The following FAM171A2 variants were observed in gnomAD, a reference collection of about 807,000 sequenced individuals.
FAM171A2 encodes family with sequence similarity 171 member A2, also known as protein FAM171A2.
Under a neutral mutation model 34.2 loss-of-function variants are expected in FAM171A2, and 13 were observed. The ratio of observed to expected loss-of-function variants is 0.38; its 90% confidence interval spans 0.25 to 0.60. The LOEUF (loss-of-function observed/expected upper bound fraction) is 0.60. FAM171A2 is among the 20% of genes least tolerant of loss of function. FAM171A2 has a pLI of 0.62. For missense variants in FAM171A2, 950 were observed against 1,180.7 expected, an observed-to-expected ratio of 0.80 and a Z score of 2.86; for synonymous variants, 475 against 561.2, an observed-to-expected ratio of 0.85 and a Z score of 2.17.
chr17:44,359,874 GT>G (rs1156508222), intron 2 of FAM171A2, 30 bp downstream of exon 2: 2 of 1,500,518 alleles, frequency 1.3e-6, no homozygotes, highest in East Asian at 4.9e-5. Context: ...GTCAGCTGCT[GT>G]CCCCCCCCTC....
rs1223532359 is a variant in FAM171A2, at chr17:44,356,070, C to T, written c.783G>A (p.Leu261=). 2 of 1,539,702 alleles carry T rather than the reference C, an allele frequency of 1.3e-6. No individual in the cohort carries two copies. The highest frequency in any genetic ancestry group is 1.8e-6 in the Non-Finnish European group (2 of 1,140,244). Residue 261 remains leucine (L), a synonymous_variant, in exon 6 of 8, where the codon CTG becomes CTA. Coordinates refer to ENST00000293443, the MANE Select transcript of FAM171A2 (RefSeq NM_198475.3). ...PAWRFDPKSG[L]WVRNGTGVIR... is the part of the protein sequence containing the mutation. ...TTACACCAGTGCCATTGCGCACCCA[C>T]AGCCCTGGGAGAGGCAGGGGTTTTG...
At chr17:44,356,819 A>C (rs1206504931) in intron 3 of FAM171A2, among the ~76,000 whole-genome samples, 1 of 152,196 alleles carries the variant, frequency 6.6e-6, no homozygotes, top group African/African-American at 2.4e-5. Context: ...TTTAGTAGAA[A>C]GTTTCCTTAT....
chr17:44,357,473 C>A (rs1452961754), intron 3 of FAM171A2, among the ~76,000 whole-genome samples: 1 of 151,792 alleles, frequency 6.6e-6, no homozygotes. Flanking sequence ...ATGGTGAAAC[C>A]CCATCTCTAC....
In FAM171A2 at chr17:44,355,221, C is replaced by G. The variant is rs955658609; in HGVS notation, c.1023-30G>C. 4 of 1,547,544 alleles carry G rather than the reference C, an allele frequency of 2.6e-6. No individual in the cohort carries two copies. Among genetic ancestry groups the G allele is most frequent in the Non-Finnish European group, 3.5e-6 (4 of 1,145,882 alleles). ...AAGGGAGGGAGCAGAAGGGGCCGCT[C>G]AGGAAAGGGTGAGGGCCAAAGTAGG... On this transcript the variant is annotated intron_variant, in intron 7 of 7. Transcript: ENST00000293443. This position sits in a 1 kb window ranked among gnomAD's most constrained non-coding sequence, Gnocchi z 4.1.
At chr17:44,361,131 C>T (rs964109637) in intron 1 of FAM171A2, among the ~76,000 whole-genome samples, 7 of 152,202 alleles carry the variant, frequency 4.6e-5, no homozygotes, top group Admixed American at 1.3e-4. Context: ...GCCCACAGCC[C>T]GTGGAGAATC....
chr17:44,358,730 C>T lies in FAM171A2; in HGVS notation c.439+849G>A, dbSNP rs540884682. Among the ~76,000 whole-genome samples, 3 of 152,146 alleles carry T rather than the reference C, an allele frequency of 2.0e-5. No individual in the cohort carries two copies. The East Asian group carries it at 5.8e-4, about 29-fold the overall frequency. Reference sequence around the variant, plus strand: ...ACAACAACAAAAACTAGCTCCATGACAAGGGCTCAAGCTGAGACTACAAAC... The same window carrying T: ...ACAACAACAAAAACTAGCTCCATGATAAGGGCTCAAGCTGAGACTACAAAC... On this transcript the variant is annotated intron_variant, in intron 3 of 7. Transcript: ENST00000293443.
Position 44,354,808 on chromosome 17 carries a change from G to A in FAM171A2, c.1406C>T (p.Ala469Val), listed in dbSNP as rs2048413157. ...CGGCGAGGGCGGCTCGTGCAGGAAG[G>A]CCGCAGCCCCCGAGGGCCCCCGCCG... is the stretch of plus-strand genomic sequence containing the variant. Reference protein sequence around the residue: ...EHRRGPSGAAAFLHEPPSPPP... With the variant: ...EHRRGPSGAAVFLHEPPSPPP... The change falls in exon 8 of 8, where the codon GCC (alanine) becomes GTC (valine). Residue 469 changes from alanine to valine, a missense_variant. Coordinates refer to ENST00000293443, the MANE Select transcript of FAM171A2 (RefSeq NM_198475.3). The surrounding 1 kb of genome is among the most constrained non-coding windows in gnomAD (Gnocchi z 5.8). 1.6e-6 allele frequency: 2 copies of A among 1,287,410 alleles called. No homozygotes were observed. The highest frequency in any genetic ancestry group is 2.0e-6 in the Non-Finnish European group (2 of 1,018,128). 79.7% of individuals were successfully genotyped at this position (1,287,410 alleles called of 1,614,324 possible).
chr17:44,360,160 G>C, intron 1 of FAM171A2, 28 bp from the exon 2 acceptor site: 1 of 1,521,126 alleles, frequency 6.6e-7, no homozygotes, highest in Non-Finnish European at 8.9e-7. Flanking sequence ...CAAAGGGAGT[G>C]AGGACGAGGG....
Position 44,356,357 on chromosome 17 carries a change from G to T in FAM171A2, c.599-5C>A. On this transcript the variant is annotated splice_polypyrimidine_tract_variant and splice_region_variant and intron_variant, in intron 4 of 7. Coordinates refer to ENST00000293443, the MANE Select transcript of FAM171A2 (RefSeq NM_198475.3). ...GCTCCAGCCAGGAGCCATTGCCTGA[G>T]GGAAGAGGGTACAGGGCTGAGGGCT... is the stretch of plus-strand genomic sequence containing the variant. The T allele has an allele frequency of 6.5e-7, 1 of 1,544,108 alleles. No homozygotes were observed. The highest frequency in any genetic ancestry group is 1.4e-5 in the African/African-American group (1 of 73,044).
intron 1 of FAM171A2, among the ~76,000 whole-genome samples, chr17:44,360,343 G>A (rs778925401): frequency 2.6e-5 from 4 of 152,194 alleles, no homozygotes; most frequent in African/African-American, 9.7e-5. Flanking sequence ...GTATTTCATC[G>A]TCTAACACAT....
chr17:44,361,820 G>A (rs554978361), intron 1 of FAM171A2, among the ~76,000 whole-genome samples: 10 of 152,194 alleles, frequency 6.6e-5, no homozygotes, highest in Non-Finnish European at 1.2e-4. Flanking sequence ...ATGGGGTGGG[G>A]GGAGGTAGAG....
intron 1 of FAM171A2, among the ~76,000 whole-genome samples, chr17:44,361,445 C>T (rs1354374005): frequency 6.6e-6 from 1 of 152,160 alleles, no homozygotes; most frequent in Non-Finnish European, 1.5e-5. Flanking sequence ...GCAGCAGGGC[C>T]TGGGGAGGTC....
rs1269221355 is a variant in FAM171A2, at chr17:44,355,174, G to A, written c.1040C>T (p.Pro347Leu). 2 of 1,550,650 alleles carry A rather than the reference G, an allele frequency of 1.3e-6. No homozygotes were observed. The highest frequency in any genetic ancestry group is 2.4e-5 in the East Asian group (1 of 40,884). ...CTGCAGCTTGCGGTGCTGTTGCCTCGGCTTCAGGCAGCGCCTCCTGGAAGG... is the reference window on the plus strand; with the variant it reads ...CTGCAGCTTGCGGTGCTGTTGCCTCAGCTTCAGGCAGCGCCTCCTGGAAGG... ...IYYCRRRCLK[P>L]RQQHRKLQLS... Residue 347 changes from proline (P) to leucine (L), a missense_variant, in exon 8 of 8, where the codon CCG becomes CTG. This residue lies in a region of FAM171A2 where 752 missense variants were observed against 924.5 expected (regional missense o/e 0.81). Transcript: ENST00000293443. This position sits in a 1 kb window ranked among gnomAD's most constrained non-coding sequence, Gnocchi z 4.1.
In FAM171A2 at chr17:44,360,131, C is replaced by G; in HGVS notation, c.120G>C (p.Glu40Asp). Residue 40 changes from glutamate (E) to aspartate (D), a missense_variant and splice_region_variant, in exon 2 of 8, where the codon GAG (glutamate) becomes GAC (aspartate). Physicochemically the swap from Glu to Asp is conservative, Grantham distance 45. Around this residue, in one of 3 missense-constraint regions of FAM171A2, gnomAD observed 752 missense variants for 924.5 expected, o/e 0.81. Transcript: ENST00000293443. The part of the protein sequence containing the change: ...KSPPEPPSPQ[E>D]ILIKVQVYVS... ...CATACACCTGCACCTTGATCAGGAT[C>G]TCTGTGGGCAAGATGGGGCAAAGGG... 6.4e-7 allele frequency: 1 copy of G among 1,551,042 alleles called. No individual in the cohort carries two copies.
chr17:44,355,073 G>T lies in FAM171A2; in HGVS notation c.1141C>A (p.Pro381Thr), dbSNP rs1241254626. The change falls in exon 8 of 8, where the codon CCC becomes ACC. Residue 381 changes from proline to threonine, a missense_variant. Coordinates refer to ENST00000293443, the MANE Select transcript of FAM171A2 (RefSeq NM_198475.3). The surrounding 1 kb of genome is among the most constrained non-coding windows in gnomAD (Gnocchi z 4.1). ...MSQLHLICGG[P>T]LEPAPSGDPE... ...TCCCCCGACGGGGCGGGTTCCAGGG[G>T]TCCCCCACAGATGAGGTGGAGCTGG... 3 of 1,549,962 alleles carry T rather than the reference G, an allele frequency of 1.9e-6. No homozygotes were observed. The South Asian group carries it at 3.6e-5, about 18-fold the overall frequency.
Position 44,355,870 on chromosome 17 carries a change from G to C in FAM171A2, c.896-29C>G. 2.6e-6 allele frequency: 4 copies of C among 1,551,192 alleles called. No homozygotes were observed. The highest frequency in any genetic ancestry group is 3.5e-6 in the Non-Finnish European group (4 of 1,146,714). Reference sequence around the variant, plus strand: ...TGCCAGGCGAGGGCTTAGCGTTCAGGTGTAGACACCCTTCCTGCCTTTCAG... The same window carrying C: ...TGCCAGGCGAGGGCTTAGCGTTCAGCTGTAGACACCCTTCCTGCCTTTCAG... On this transcript the variant is annotated intron_variant, in intron 6 of 7. Coordinates refer to ENST00000293443, the MANE Select transcript of FAM171A2 (RefSeq NM_198475.3). This position sits in a 1 kb window ranked among gnomAD's most constrained non-coding sequence, Gnocchi z 4.1.
Position 44,359,562 on chromosome 17 carries a change from G to A in FAM171A2, c.439+17C>T. ...GGGGAAGGAAGAAGAGTTGGCGTGG[G>A]TGAGGGGGAGCCTTACCGGGAGAGC... On this transcript the variant is annotated intron_variant, in intron 3 of 7. Coordinates refer to ENST00000293443, the MANE Select transcript of FAM171A2 (RefSeq NM_198475.3). The A allele has an allele frequency of 6.5e-7, 1 of 1,548,814 alleles. No homozygotes were observed. Among genetic ancestry groups the A allele is most frequent in the Non-Finnish European group, 8.7e-7 (1 of 1,144,610 alleles).
chr17:44,359,876 C>T lies in FAM171A2; in HGVS notation c.346+29G>A, dbSNP rs905543491. On this transcript the variant is annotated intron_variant, in intron 2 of 7. Transcript: ENST00000293443. ...GGGCTGATGGAGGGTCAGCTGCTGT[C>T]CCCCCCCTCCACCTGCCCCTGCACT... The T allele has an allele frequency of 2.7e-6, 4 of 1,485,000 alleles. No individual in the cohort carries two copies. In the East Asian group the frequency reaches 9.9e-5, roughly 37 times the overall value. 92.0% of individuals were successfully genotyped at this position (1,485,000 alleles called of 1,614,324 possible). A position where few individuals can be genotyped will look rare whatever the true frequency, so the allele number is the denominator to read the frequency against.
chr17:44,356,125 C>T (rs1257301209), intron 5 of FAM171A2, 48 bp downstream of exon 5: 1 of 1,523,166 alleles, frequency 6.6e-7, no homozygotes, highest in Non-Finnish European at 8.9e-7. Context: ...ACTCAAGTCC[C>T]ACTTTCTTCT....
Sources: gnomAD v4.1 joint callset for allele counts (sites outside exome capture counted in the v4.1 genomes callset) on GRCh38, gnomAD v4.1.1 for gene constraint, gnomAD v4.1.1 regional missense constraint, Gnocchi (gnomAD v3.1) non-coding constraint, MANE v1.5 for transcripts, NCBI Gene and HGNC (gene_info 2026-07-23, HGNC 2026-07-21) for gene names.